PEX14: variants seen among roughly 807,000 people sequenced by gnomAD.
The protein encoded by PEX14 is peroxisomal biogenesis factor 14.
PEX14 carries 15 observed loss-of-function variants against 49.5 expected under a neutral mutation model. The observed-to-expected ratio is 0.30, with a 90% CI of 0.20 to 0.47. PEX14 has a LOEUF of 0.47. Among genes scored for constraint, PEX14 ranks in the 20% least tolerant of loss-of-function variants. The pLI, the probability that PEX14 is intolerant of heterozygous loss-of-function variation, is 1.00. For missense variants in PEX14, 398 were observed against 494.8 expected, an observed-to-expected ratio of 0.80 and a Z score of 1.86; for synonymous variants, 210 against 212.7, an observed-to-expected ratio of 0.99 and a Z score of 0.11.
At chr1:10,624,878 C>T (rs942751825) in intron 7 of PEX14, among the ~76,000 whole-genome samples, 30 of 152,130 alleles carry the variant, frequency 2.0e-4, no homozygotes, top group African/African-American at 6.8e-4. Context: ...CCAGCCCCAT[C>T]CACACCGCAG....
intron 3 of PEX14, among the ~76,000 whole-genome samples, chr1:10,558,446 C>CTTTTTTTTTT (rs1639557534): frequency 6.6e-6 from 1 of 151,088 alleles, no homozygotes; most frequent in Non-Finnish European, 1.5e-5. Context: ...ATAGAAATTA[C>CTTTTTTTTTT]TTTGGAAGCT....
intron 1 of PEX14, among the ~76,000 whole-genome samples, chr1:10,484,177 A>AC (rs34856066): frequency 0.41 from 62,073 of 150,668 alleles, 14,337 homozygotes; most frequent in Non-Finnish European, 0.51. Flanking sequence ...ACAGGCGCCC[A>AC]CCACCATGGC....
At chr1:10,561,901 T>C (rs890227345) in intron 3 of PEX14, among the ~76,000 whole-genome samples, 7 of 152,230 alleles carry the variant, frequency 4.6e-5, no homozygotes, top group Non-Finnish European at 8.8e-5. Flanking sequence ...ATGTACTCTT[T>C]AGTTCAGAGT....
chr1:10,504,272 C>A (rs1641739860), intron 2 of PEX14, among the ~76,000 whole-genome samples: 1 of 152,132 alleles, frequency 6.6e-6, no homozygotes, highest in African/African-American at 2.4e-5. Flanking sequence ...TGTTGCTCCA[C>A]AAATCTTCTC....
rs186969061 is a variant in PEX14 at position 10,517,456 on chromosome 1, C to A, written c.85-18757C>A. Reference sequence around the variant, plus strand: ...GAGTCAGGCTCATTAATTAAAGGAGCCTGGCTTGAGAGGCCTGTAATTATA... The same window carrying A: ...GAGTCAGGCTCATTAATTAAAGGAGACTGGCTTGAGAGGCCTGTAATTATA... On this transcript the variant is annotated intron_variant, in intron 2 of 8. Transcript: ENST00000356607. Among the ~76,000 whole-genome samples, 159 of 152,032 alleles carry A rather than the reference C, an allele frequency of 1.0e-3. 1 individual carries two copies. Among genetic ancestry groups the A allele is most frequent in the African/African-American group, 3.4e-3 (143 of 41,456 alleles).
At chr1:10,486,546 G>C (rs1292283492) in intron 1 of PEX14, among the ~76,000 whole-genome samples, 2 of 151,810 alleles carry the variant, frequency 1.3e-5, no homozygotes, top group East Asian at 3.9e-4. Flanking sequence ...GTCTGACATG[G>C]TGGCACATAC....
rs146465809 is a variant in PEX14 at position 10,572,826 on chromosome 1, G to A, written c.170-26412G>A. On this transcript the variant is annotated intron_variant, in intron 3 of 8. Coordinates refer to ENST00000356607, the MANE Select transcript of PEX14 (RefSeq NM_004565.3). ...GCTGGGATTACAGGCGTGAGCTACC[G>A]CGCCTGGCCAGAGATATGTTCTAAG... Among the ~76,000 whole-genome samples, 260 of 152,258 alleles carry A rather than the reference G, an allele frequency of 1.7e-3. 2 individuals are homozygous for A. Among genetic ancestry groups the A allele is most frequent in the African/African-American group, 5.8e-3 (242 of 41,562 alleles).
At chr1:10,564,588 TTTC>T (rs1639747151) in intron 3 of PEX14, among the ~76,000 whole-genome samples, 1 of 118,702 alleles carries the variant, frequency 8.4e-6, no homozygotes, top group South Asian at 3.1e-4. Context: ...GATTTTTCTT[TTTC>T]TTTCTTTTTT....
intron 2 of PEX14, among the ~76,000 whole-genome samples, chr1:10,527,620 T>C (rs1638528216): frequency 6.6e-6 from 1 of 152,068 alleles, no homozygotes; most frequent in African/African-American, 2.4e-5. Flanking sequence ...CATTAGGTCA[T>C]TCTCTAATTT....
intron 4 of PEX14, among the ~76,000 whole-genome samples, chr1:10,608,000 C>T (rs967213187): frequency 2.6e-5 from 4 of 152,306 alleles, no homozygotes; most frequent in Non-Finnish European, 2.9e-5. Context: ...CACTGTCTCA[C>T]TCTGTCACCC....
intron 5 of PEX14, among the ~76,000 whole-genome samples, chr1:10,621,593 C>T (rs1220550474): frequency 6.6e-6 from 1 of 152,136 alleles, no homozygotes; most frequent in Non-Finnish European, 1.5e-5. Context: ...GATCTGCCCA[C>T]CTCAGCCTCC....
intron 2 of PEX14, among the ~76,000 whole-genome samples, chr1:10,501,290 G>GTTTATTTTTATT (rs56216324): frequency 7.4e-4 from 110 of 149,626 alleles, no homozygotes; most frequent in Non-Finnish European, 1.2e-3. Flanking sequence ...CGCCCTATCA[G>GTTTATTTTTATT]TTTATTTTTA....
intron 3 of PEX14, among the ~76,000 whole-genome samples, chr1:10,576,231 C>G (rs915046768): frequency 2.6e-5 from 4 of 152,012 alleles, no homozygotes; most frequent in Non-Finnish European, 5.9e-5. Context: ...ATCTACCAAT[C>G]TTCTGATATT....
At chr1:10,578,911 A>G (rs1215346602) in intron 3 of PEX14, among the ~76,000 whole-genome samples, 1 of 152,190 alleles carries the variant, frequency 6.6e-6, no homozygotes, top group African/African-American at 2.4e-5. Flanking sequence ...GAATAAAAAT[A>G]GGACCAGAGC....
intron 3 of PEX14, among the ~76,000 whole-genome samples, chr1:10,569,471 C>T (rs1176513477): frequency 2.0e-5 from 3 of 152,216 alleles, no homozygotes; most frequent in Non-Finnish European, 4.4e-5. Flanking sequence ...GGACTGCGCT[C>T]TCTAGACCTG....
rs1219460071 is a variant in PEX14 at position 10,628,222 on chromosome 1, T to C, written c.677+859T>C. On this transcript the variant is annotated intron_variant, in intron 8 of 8. Transcript: ENST00000356607. The surrounding 1 kb of genome is among the most constrained non-coding windows in gnomAD (Gnocchi z 4.5). ...TGCTGGGATTACAGGTGTGAGCCAC[T>C]GTGCCTGGACTGTTCTGGTTTTTTA... Among the ~76,000 whole-genome samples the C allele has an allele frequency of 6.6e-6, 1 of 152,248 alleles. No individual in the cohort carries two copies. Among genetic ancestry groups the C allele is most frequent in the Non-Finnish European group, 1.5e-5 (1 of 68,046 alleles).
chr1:10,587,223 G>A (rs12567436), intron 3 of PEX14, among the ~76,000 whole-genome samples: 14,548 of 152,184 alleles, frequency 0.096, 853 homozygotes, highest in East Asian at 0.2. Context: ...TTGGGAGGCC[G>A]AGGCAGATGG....
At chr1:10,487,580 G>C (rs1188748253) in intron 1 of PEX14, among the ~76,000 whole-genome samples, 3 of 147,140 alleles carry the variant, frequency 2.0e-5, no homozygotes, top group Non-Finnish European at 4.4e-5. Context: ...TACCTCCCAG[G>C]TTCAAGCGAT....
intron 1 of PEX14, among the ~76,000 whole-genome samples, chr1:10,489,573 A>C (rs1271726809): frequency 6.6e-6 from 1 of 152,164 alleles, no homozygotes; most frequent in Non-Finnish European, 1.5e-5. Context: ...GTCAGCTCCT[A>C]GCTTCTTCTT....
Sources: allele counts gnomAD v4.1 joint callset (sites outside exome capture counted in the v4.1 genomes callset), GRCh38; gene constraint gnomAD v4.1.1; non-coding constraint Gnocchi (gnomAD v3.1); transcripts MANE v1.5; gene names NCBI Gene and HGNC (gene_info 2026-07-23, HGNC 2026-07-21).